Variants in MLIP observed in about 807,000 individuals in gnomAD.
MLIP encodes the protein muscular LMNA interacting protein.
A neutral mutation model predicts 84.8 loss-of-function variants in MLIP; 79 were observed. That is an observed-to-expected ratio of 0.93 (90% CI 0.78 to 1.12). The LOEUF (loss-of-function observed/expected upper bound fraction) is 1.12, where lower values mean the gene tolerates loss of function less well. Ranked by LOEUF, MLIP falls within the 50% of genes most tolerant of loss-of-function variation. The pLI, the probability that MLIP is intolerant of heterozygous loss-of-function variation, is 0.00. For missense variants in MLIP, 1,257 were observed against 1,160.6 expected, an observed-to-expected ratio of 1.08 and a Z score of -1.21; for synonymous variants, 504 against 463.0, an observed-to-expected ratio of 1.09 and a Z score of -1.14.
At chr6:54,167,849 C>G (rs1422169770) in intron 8 of MLIP, among the ~76,000 whole-genome samples, 1 of 151,754 alleles carries the variant, frequency 6.6e-6, no homozygotes, top group African/African-American at 2.4e-5. Context: ...CTGGGTCACT[C>G]TTACTCCTAG....
intron 1 of MLIP, among the ~76,000 whole-genome samples, chr6:54,035,345 A>G (rs945867648): frequency 6.6e-6 from 1 of 152,182 alleles, no homozygotes; most frequent in Non-Finnish European, 1.5e-5. Flanking sequence ...CAGCTATATC[A>G]CAGTTTAATG....
intron 11 of MLIP, among the ~76,000 whole-genome samples, chr6:54,208,588 T>TA (rs986101557): frequency 6.6e-6 from 1 of 152,160 alleles, no homozygotes; most frequent in Admixed American, 6.5e-5. Context: ...CTCCATCTCT[T>TA]AAAAAAATTT....
chr6:54,208,645 A>G (rs1396256279), intron 11 of MLIP, among the ~76,000 whole-genome samples: 1 of 152,234 alleles, frequency 6.6e-6, no homozygotes, highest in East Asian at 1.9e-4. Flanking sequence ...TTTATTTCAC[A>G]AGAGTCTCTA....
chr6:54,256,488 A>G (rs932959285), intron 12 of MLIP, among the ~76,000 whole-genome samples: 1 of 152,114 alleles, frequency 6.6e-6, no homozygotes, highest in African/African-American at 2.4e-5. Flanking sequence ...ATTCCTGTCA[A>G]ACTGGATCTG....
intron 9 of MLIP, among the ~76,000 whole-genome samples, chr6:54,176,451 A>AT (rs1168446699): frequency 1.3e-5 from 2 of 151,934 alleles, no homozygotes; most frequent in Admixed American, 1.3e-4. Context: ...GGATTTCTTC[A>AT]TGGTTCAGTC....
intron 4 of MLIP, among the ~76,000 whole-genome samples, chr6:54,139,324 G>A (rs1186475689): frequency 1.3e-5 from 2 of 152,170 alleles, no homozygotes; most frequent in Non-Finnish European, 2.9e-5. Flanking sequence ...CATCAACTGA[G>A]TTCAATATAA....
At chr6:54,172,541 C>G (rs961412121) in intron 9 of MLIP, among the ~76,000 whole-genome samples, 26 of 151,500 alleles carry the variant, frequency 1.7e-4, no homozygotes, top group African/African-American at 5.8e-4. Flanking sequence ...GAGGAGGTAG[C>G]CAGAGAACCC....
chr6:54,221,214 A>G (rs749910306), intron 11 of MLIP, among the ~76,000 whole-genome samples: 7 of 152,084 alleles, frequency 4.6e-5, no homozygotes, highest in Non-Finnish European at 1.0e-4. Context: ...TAGAGGCTAA[A>G]CCAACTCATA....
intron 11 of MLIP, among the ~76,000 whole-genome samples, chr6:54,225,765 C>T (rs189565988): frequency 6.6e-6 from 1 of 152,228 alleles, no homozygotes; most frequent in East Asian, 1.9e-4. Context: ...ATTAAATAAA[C>T]AAAACAGAAC....
intron 4 of MLIP, among the ~76,000 whole-genome samples, chr6:54,142,916 AAC>A (rs372126164): frequency 2.7e-5 from 4 of 150,492 alleles, no homozygotes; most frequent in African/African-American, 1.0e-4. Context: ...AAACAACAAC[AAC>A]AAAAAAAAAA....
At chr6:54,053,584 A>C (rs1765489406) in intron 1 of MLIP, among the ~76,000 whole-genome samples, 1 of 152,224 alleles carries the variant, frequency 6.6e-6, no homozygotes, top group South Asian at 2.1e-4. Context: ...AATGAAAGAA[A>C]GTAATGCCAA....
intron 11 of MLIP, among the ~76,000 whole-genome samples, chr6:54,227,823 G>A (rs949839108): frequency 6.6e-6 from 1 of 152,184 alleles, no homozygotes; most frequent in Middle Eastern, 3.4e-3. Context: ...ATTTTCCCAG[G>A]AAGCTCCTTT....
intron 11 of MLIP, among the ~76,000 whole-genome samples, chr6:54,221,938 C>G (rs957746228): frequency 6.6e-6 from 1 of 151,830 alleles, no homozygotes; most frequent in African/African-American, 2.4e-5. Context: ...AAATTAATAA[C>G]AAAGTTAGAA....
chr6:54,124,949 T>C, intron 3 of MLIP, 84 bp downstream of exon 3: 1 of 1,247,464 alleles, frequency 8.0e-7, no homozygotes, highest in Non-Finnish European at 1.1e-6. Context: ...AAGGCCATCC[T>C]GTTTAAGGCA....
intron 12 of MLIP, among the ~76,000 whole-genome samples, chr6:54,251,413 G>T (rs1782470685): frequency 8.7e-6 from 1 of 115,434 alleles, no homozygotes; most frequent in African/African-American, 4.5e-5. Flanking sequence ...ATTGGGCTAG[G>T]CATATCTCCA....
chr6:54,019,858 T>C (rs962332045), intron 1 of MLIP, among the ~76,000 whole-genome samples: 15 of 152,200 alleles, frequency 9.9e-5, no homozygotes, highest in Non-Finnish European at 2.1e-4. Flanking sequence ...TTGAGGTTTA[T>C]GGACTATTCA....
intron 9 of MLIP, among the ~76,000 whole-genome samples, chr6:54,172,598 C>G (rs1775876609): frequency 1.3e-5 from 2 of 151,300 alleles, no homozygotes; most frequent in Non-Finnish European, 3.0e-5. Context: ...TCTGTGTATT[C>G]ATAGGTTTTC....
intron 1 of MLIP, among the ~76,000 whole-genome samples, chr6:54,025,146 G>A (rs1763728907): frequency 6.6e-6 from 1 of 152,014 alleles, no homozygotes; most frequent in Non-Finnish European, 1.5e-5. Context: ...GTTGCGCCCG[G>A]CCTGTAACAT....
intron 1 of MLIP, among the ~76,000 whole-genome samples, chr6:54,084,993 T>C (rs1767394383): frequency 1.3e-5 from 2 of 152,178 alleles, no homozygotes; most frequent in African/African-American, 4.8e-5. Flanking sequence ...TTGAAGACAT[T>C]TCTTGAAGCA....
Sources: allele counts gnomAD v4.1 joint callset (sites outside exome capture counted in the v4.1 genomes callset), GRCh38; gene constraint gnomAD v4.1.1; transcripts MANE v1.5; gene names NCBI Gene and HGNC (gene_info 2026-07-23, HGNC 2026-07-21).